Variants in SPON1 observed in about 807,000 individuals in gnomAD.
SPON1 encodes the protein spondin-1.
A neutral mutation model predicts 111.7 loss-of-function variants in SPON1; 52 were observed. The ratio of observed to expected loss-of-function variants is 0.47; its 90% CI spans 0.37 to 0.59. The LOEUF (loss-of-function observed/expected upper bound fraction) is 0.59, where lower values mean the gene tolerates loss of function less well. SPON1 is among the 20% of genes least tolerant of loss of function. The pLI is 0.00. For missense variants in SPON1, 957 were observed against 1,068.5 expected (o/e 0.90, Z 1.46); for synonymous variants, 410 against 395.8 (o/e 1.04, Z -0.43).
At chr11:14,176,310 T>C (rs1379612647) in intron 6 of SPON1, among the ~76,000 whole-genome samples, 1 of 152,106 alleles carries the variant, frequency 6.6e-6, no homozygotes, top group African/African-American at 2.4e-5. Context: ...ATATCCCTTA[T>C]TCCAAACTAT....
chr11:14,101,412 T>C (rs1849143233), intron 5 of SPON1, among the ~76,000 whole-genome samples: 1 of 151,914 alleles, frequency 6.6e-6, no homozygotes, highest in African/African-American at 2.4e-5. Context: ...AAAATAATAA[T>C]AATTTAAAAA....
chr11:13,982,662 T>C (rs1848153183), intron 1 of SPON1, among the ~76,000 whole-genome samples, 185 bp from the exon 2 acceptor site: 2 of 152,086 alleles, frequency 1.3e-5, no homozygotes, highest in African/African-American at 4.8e-5. Context: ...GGTTCTGAAA[T>C]GTAAGAGGGA....
intron 6 of SPON1, among the ~76,000 whole-genome samples, chr11:14,161,031 A>ATATATATT (rs1847943699): frequency 3.5e-5 from 2 of 57,310 alleles, no homozygotes; most frequent in Non-Finnish European, 5.8e-5. Context: ...ATATATATTT[A>ATATATATT]TATATATCTA....
intron 6 of SPON1, among the ~76,000 whole-genome samples, chr11:14,194,528 T>TCACACACACACACACACACA (rs372569370): frequency 9.4e-5 from 10 of 106,894 alleles, no homozygotes; most frequent in South Asian, 3.1e-4. Context: ...TAGGCCTACT[T>TCACACACACACACACACACA]CACACACACA....
intron 2 of SPON1, among the ~76,000 whole-genome samples, chr11:14,026,083 G>A (rs979401271): frequency 6.6e-6 from 1 of 152,150 alleles, no homozygotes; most frequent in Admixed American, 6.5e-5. Flanking sequence ...GCCAGCCTCC[G>A]GCTCCCTTCC....
At position 14,134,126 on chromosome 11, in the gene SPON1, G is replaced by A. The variant is rs943967719; in HGVS notation, c.677-1294G>A. On this transcript the variant is annotated intron_variant, in intron 5 of 15. Coordinates refer to ENST00000576479, the MANE Select transcript of SPON1 (RefSeq NM_006108.4). The stretch of plus-strand genomic sequence containing the variant: ...GAGTTCTGCCCACTCTGGGCCACAG[G>A]ATGGGAAACTGAAAATGTTAGTTGG... Among the ~76,000 whole-genome samples the A allele has an allele frequency of 3.3e-5, 5 of 151,986 alleles. No homozygotes were observed. The East Asian group carries it at 9.7e-4, about 29-fold the overall frequency.
intron 6 of SPON1, among the ~76,000 whole-genome samples, chr11:14,209,372 A>G (rs1848549902): frequency 6.6e-6 from 1 of 150,698 alleles, no homozygotes; most frequent in Non-Finnish European, 1.5e-5. Context: ...TCAACCCATC[A>G]TCTACATTAG....
chr11:14,261,631 C>G (rs1454928231), intron 14 of SPON1, among the ~76,000 whole-genome samples: 9 of 152,292 alleles, frequency 5.9e-5, no homozygotes, highest in Admixed American at 2.0e-4. Context: ...GGAGACTCAG[C>G]CATGGGTGGA....
chr11:14,041,747 A>C, intron 3 of SPON1, 93 bp downstream of exon 3: 1 of 1,447,536 alleles, frequency 6.9e-7, no homozygotes, highest in Non-Finnish European at 9.4e-7. Flanking sequence ...TGAGCATCAG[A>C]AAGTTGCATC....
chr11:14,104,335 GT>G (rs1224458584), intron 5 of SPON1, among the ~76,000 whole-genome samples: 6 of 147,836 alleles, frequency 4.1e-5, no homozygotes, highest in East Asian at 2.0e-4. Context: ...TAGTTAATTT[GT>G]TTTTTTTTCC....
At chr11:13,977,280 G>A (rs886852429) in intron 1 of SPON1, among the ~76,000 whole-genome samples, 2 of 152,200 alleles carry the variant, frequency 1.3e-5, no homozygotes, top group Non-Finnish European at 2.9e-5. Flanking sequence ...GAATTTAGCA[G>A]CAAAATTGCT....
chr11:14,205,819 C>G (rs896935129), intron 6 of SPON1, among the ~76,000 whole-genome samples: 5 of 152,174 alleles, frequency 3.3e-5, no homozygotes, highest in Non-Finnish European at 7.3e-5. Flanking sequence ...CTCAGGGTCT[C>G]ACACCTTTTG....
intron 6 of SPON1, among the ~76,000 whole-genome samples, chr11:14,214,032 C>A (rs1848602554): frequency 6.6e-6 from 1 of 152,220 alleles, no homozygotes; most frequent in Non-Finnish European, 1.5e-5. Flanking sequence ...TTCCTCATTG[C>A]ATTTGTCCCA....
intron 6 of SPON1, among the ~76,000 whole-genome samples, chr11:14,241,955 G>T (rs1848932383): frequency 6.6e-6 from 1 of 152,044 alleles, no homozygotes; most frequent in South Asian, 2.1e-4. Flanking sequence ...GGAGGAGGCT[G>T]CAAGCTTCCT....
At chr11:14,095,836 C>A (rs1270589606) in intron 5 of SPON1, among the ~76,000 whole-genome samples, 2 of 152,178 alleles carry the variant, frequency 1.3e-5, no homozygotes, top group Non-Finnish European at 2.9e-5. Flanking sequence ...CACCCAATGG[C>A]GCAGCTGACA....
rs1554941627 is a variant in SPON1 at position 14,259,363 on chromosome 11, A to T, written c.1576A>T (p.Arg526Trp). Residue 526 changes from arginine to tryptophan, a missense_variant, in exon 12 of 16, where the codon AGG becomes TGG. Arg to Trp is a moderately radical substitution (Grantham distance 101). Coordinates refer to ENST00000576479, the MANE Select transcript of SPON1 (RefSeq NM_006108.4). This position sits in a 1 kb window ranked among gnomAD's most constrained non-coding sequence, Gnocchi z 5.0. Reference sequence around the variant, plus strand: ...CGGCATGGGCATGAGGTCCCGGGAGAGGTATGTGAAGCAGTTCCCGGAGGA... The same window carrying T: ...CGGCATGGGCATGAGGTCCCGGGAGTGGTATGTGAAGCAGTTCCCGGAGGA... ...SCGMGMRSRE[R>W]YVKQFPEDGS... The T allele has an allele frequency of 1.2e-6, 2 of 1,609,472 alleles. No homozygotes were observed. The highest frequency in any genetic ancestry group is 1.7e-6 in the Non-Finnish European group (2 of 1,178,716).
At chr11:14,000,220 C>T (rs868977887) in intron 2 of SPON1, among the ~76,000 whole-genome samples, 18 of 152,102 alleles carry the variant, frequency 1.2e-4, no homozygotes, top group Admixed American at 1.0e-3. Context: ...TTTCCTCATC[C>T]CTCTACCTGG....
chr11:14,042,728 G>T (rs992716923), intron 3 of SPON1, among the ~76,000 whole-genome samples: 9 of 152,156 alleles, frequency 5.9e-5, no homozygotes, highest in Admixed American at 5.9e-4. Context: ...CTTAACAACT[G>T]TGGTTAACTC....
At chr11:14,250,105 A>T (rs1247820934) in intron 7 of SPON1, among the ~76,000 whole-genome samples, 1 of 152,158 alleles carries the variant, frequency 6.6e-6, no homozygotes, top group Non-Finnish European at 1.5e-5. Context: ...ACATATTTGG[A>T]TTAACTCTGT....
Sources: gnomAD v4.1 joint callset for allele counts (sites outside exome capture counted in the v4.1 genomes callset) on GRCh38, gnomAD v4.1.1 for gene constraint, Gnocchi (gnomAD v3.1) non-coding constraint, MANE v1.5 for transcripts, NCBI Gene and HGNC (gene_info 2026-07-23, HGNC 2026-07-21) for gene names.